ULK4: variants seen among roughly 807,000 people sequenced by gnomAD.
The protein encoded by ULK4 is unc-51 like kinase 4.
ULK4 carries 133 observed loss-of-function variants against 160.6 expected under a neutral mutation model. That is an observed-to-expected ratio of 0.83 (90% CI 0.72 to 0.96). The LOEUF is 0.96. Among genes scored for constraint, ULK4 ranks in the 40% least tolerant of loss-of-function variants. The probability of loss-of-function intolerance (pLI) is 0.00; values close to 1 mark genes in which losing one functional copy is unlikely to be tolerated. For missense variants in ULK4, 1,580 were observed against 1,499.5 expected (o/e 1.05, Z -0.89); for synonymous variants, 534 against 539.8 (o/e 0.99, Z 0.15).
At chr3:41,373,797 T>C (rs1190808077) in intron 35 of ULK4, among the ~76,000 whole-genome samples, 1 of 151,596 alleles carries the variant, frequency 6.6e-6, no homozygotes, top group Non-Finnish European at 1.5e-5. Flanking sequence ...ACAGCAAAAC[T>C]GAAAAAGGTA....
chr3:41,676,764 T>C (rs749678397), intron 29 of ULK4, among the ~76,000 whole-genome samples: 3 of 152,116 alleles, frequency 2.0e-5, no homozygotes, highest in African/African-American at 7.2e-5. Context: ...AGAGAAAATA[T>C]TGTCTCTCCA....
intron 3 of ULK4, chr3:41,937,286 C>T (rs1347238950): frequency 2.9e-6 from 2 of 683,850 alleles, no homozygotes; most frequent in Admixed American, 4.2e-5. Context: ...AGGACTGTGT[C>T]TTGATAACCT....
At chr3:41,929,126 C>T (rs1419934886) in intron 5 of ULK4, among the ~76,000 whole-genome samples, 33 of 152,124 alleles carry the variant, frequency 2.2e-4, no homozygotes, top group Admixed American at 2.2e-3. Context: ...AGCAGCACAT[C>T]CAAAAGTTTA....
At chr3:41,399,697 C>T (rs796205699) in intron 34 of ULK4, among the ~76,000 whole-genome samples, 66 of 150,946 alleles carry the variant, frequency 4.4e-4, no homozygotes, top group African/African-American at 1.6e-3. Context: ...CCTCAGCCTC[C>T]TGGCTTCAAG....
chr3:41,905,192 C>T (rs1245846323), intron 12 of ULK4, among the ~76,000 whole-genome samples: 1 of 152,154 alleles, frequency 6.6e-6, no homozygotes, highest in East Asian at 1.9e-4. Context: ...TACAGTCAAT[C>T]GATCTTCAGC....
At chr3:41,481,222 G>C (rs554262472) in intron 32 of ULK4, among the ~76,000 whole-genome samples, 1 of 152,098 alleles carries the variant, frequency 6.6e-6, no homozygotes, top group Non-Finnish European at 1.5e-5. Context: ...CTATGTATAA[G>C]AGACATATTA....
At chr3:41,856,922 CAA>C in intron 17 of ULK4, among the ~76,000 whole-genome samples, 1 of 151,712 alleles carries the variant, frequency 6.6e-6, no homozygotes, top group African/African-American at 2.4e-5. Context: ...CAAAACAAAA[CAA>C]AAGACTAAGC....
At chr3:41,525,526 T>A (rs1265764158) in intron 32 of ULK4, among the ~76,000 whole-genome samples, 1 of 152,150 alleles carries the variant, frequency 6.6e-6, no homozygotes, top group Non-Finnish European at 1.5e-5. Context: ...CTAGTCTCCC[T>A]CCCAAAGGGC....
At chr3:41,695,742 A>G (rs1306033890) in intron 27 of ULK4, among the ~76,000 whole-genome samples, 1 of 152,184 alleles carries the variant, frequency 6.6e-6, no homozygotes, top group Non-Finnish European at 1.5e-5. Context: ...AGTATAATAA[A>G]ATATATAAAA....
intron 32 of ULK4, among the ~76,000 whole-genome samples, chr3:41,557,574 T>C (rs1435506123): frequency 1.3e-5 from 2 of 150,160 alleles, no homozygotes; most frequent in Non-Finnish European, 3.0e-5. Context: ...GAGACCACCC[T>C]GGTTAACATA....
At position 41,800,217 on chromosome 3, in the gene ULK4, C is replaced by A; in HGVS notation, c.1925G>T (p.Gly642Val). Residue 642 changes from glycine to valine, a missense_variant, in exon 20 of 37, where the codon GGC (glycine) becomes GTC (valine). Gly to Val is a moderately radical substitution (Grantham distance 109, BLOSUM62 -3). Coordinates refer to ENST00000301831, the MANE Select transcript of ULK4 (RefSeq NM_017886.4). ...VCTTFSAQSQGFITGEIGPIL... is the reference protein window; with the variant it reads ...VCTTFSAQSQVFITGEIGPIL... ...GGGTCCTATTTCTCCTGTAATAAAG[C>A]CCTGGGACTGAGCAGAAAAGGTGGT... 6.2e-7 allele frequency: 1 copy of A among 1,613,758 alleles called. No homozygotes were observed. The highest frequency in any genetic ancestry group is 8.5e-7 in the Non-Finnish European group (1 of 1,179,884).
At position 41,856,564 on chromosome 3, in the gene ULK4, C is replaced by CACAT. The variant is rs1553675291; in HGVS notation, c.1657-20594_1657-20593insATGT. ...ATATATATATGTGTATATATATACA[C>CACAT]ATATATATATGTGTATATATATACA... On this transcript the variant is annotated intron_variant, in intron 17 of 36. Coordinates refer to ENST00000301831, the MANE Select transcript of ULK4 (RefSeq NM_017886.4). Among the ~76,000 whole-genome samples the CACAT allele has an allele frequency of 5.8e-5, 4 of 69,030 alleles. 1 individual carries two copies. The highest frequency in any genetic ancestry group is 3.5e-4 in the East Asian group (1 of 2,844). 45.3% of individuals were successfully genotyped at this position (69,030 alleles called of 152,430 possible).
intron 1 of ULK4, among the ~76,000 whole-genome samples, chr3:41,957,208 CT>C (rs1700511442): frequency 6.6e-6 from 1 of 152,136 alleles, no homozygotes; most frequent in Non-Finnish European, 1.5e-5. Context: ...AATCCCAGCA[CT>C]TTGGGAGGCC....
intron 19 of ULK4, among the ~76,000 whole-genome samples, chr3:41,806,674 G>C (rs1353521237): frequency 1.3e-5 from 2 of 151,754 alleles, no homozygotes; most frequent in Non-Finnish European, 2.9e-5. Context: ...CAGAGATTCT[G>C]GTATGTTGTG....
chr3:41,753,477 A>T (rs1171167759), intron 22 of ULK4, among the ~76,000 whole-genome samples: 1 of 152,226 alleles, frequency 6.6e-6, no homozygotes, highest in East Asian at 1.9e-4. Flanking sequence ...CACGGATCAG[A>T]TGGTTCAGAA....
At chr3:41,794,687 C>CAGAAAAAAAA (rs2040252658) in intron 20 of ULK4, among the ~76,000 whole-genome samples, 1 of 58,546 alleles carries the variant, frequency 1.7e-5, no homozygotes, top group Non-Finnish European at 3.0e-5. Flanking sequence ...AAAAAAAAAA[C>CAGAAAAAAAA]ACAGAAAAAA....
At chr3:41,782,835 T>C (rs2039893379) in intron 21 of ULK4, among the ~76,000 whole-genome samples, 1 of 152,166 alleles carries the variant, frequency 6.6e-6, no homozygotes, top group East Asian at 1.9e-4. Flanking sequence ...GGCAAATCAA[T>C]GGAAATTATT....
chr3:41,424,596 T>TCC (rs1263814472), intron 34 of ULK4, among the ~76,000 whole-genome samples: 1 of 152,046 alleles, frequency 6.6e-6, no homozygotes, highest in East Asian at 1.9e-4. Context: ...TTCTGGAGCC[T>TCC]CCACTGGTGA....
intron 32 of ULK4, among the ~76,000 whole-genome samples, chr3:41,532,003 T>C (rs2086336657): frequency 6.6e-6 from 1 of 152,178 alleles, no homozygotes; most frequent in African/African-American, 2.4e-5. Flanking sequence ...CTCCCCTGAA[T>C]CTGCTTCCCA....
Sources: gnomAD v4.1 joint callset for allele counts (sites outside exome capture counted in the v4.1 genomes callset) on GRCh38, gnomAD v4.1.1 for gene constraint, MANE v1.5 for transcripts, NCBI Gene and HGNC (gene_info 2026-07-23, HGNC 2026-07-21) for gene names.